Variants in PAPPA2 observed in about 807,000 individuals in gnomAD.
PAPPA2 encodes the protein pappalysin-2.
Under a neutral mutation model 176.4 loss-of-function variants are expected in PAPPA2, and 86 were observed. The observed-to-expected ratio is 0.49, with a 90% CI of 0.41 to 0.58. The LOEUF is 0.58. PAPPA2 is among the 20% of genes least tolerant of loss of function. The pLI is 0.00. For synonymous variants in PAPPA2, 809 were observed against 852.2 expected, an observed-to-expected ratio of 0.95 and a Z score of 0.88; for missense variants, 2,073 against 2,256.9, an observed-to-expected ratio of 0.92 and a Z score of 1.65.
chr1:176,757,441 A>G (rs1231388266), intron 14 of PAPPA2, among the ~76,000 whole-genome samples: 1 of 152,094 alleles, frequency 6.6e-6, no homozygotes, highest in Non-Finnish European at 1.5e-5. Flanking sequence ...TTTGATTTGC[A>G]TTTCTCTGAT....
chr1:176,512,444 T>A (rs1648662301), intron 1 of PAPPA2, among the ~76,000 whole-genome samples: 1 of 152,084 alleles, frequency 6.6e-6, no homozygotes, highest in Non-Finnish European at 1.5e-5. Context: ...TTTAAGGAAT[T>A]TCAAAAGCAT....
chr1:176,727,079 A>G (rs1034639281), intron 12 of PAPPA2, among the ~76,000 whole-genome samples: 6 of 152,212 alleles, frequency 3.9e-5, no homozygotes, highest in Non-Finnish European at 7.4e-5. Flanking sequence ...TGCACAAATA[A>G]CTGTAGAGGA....
At chr1:176,671,832 C>A (rs1462761374) in intron 4 of PAPPA2, among the ~76,000 whole-genome samples, 2 of 145,684 alleles carry the variant, frequency 1.4e-5, no homozygotes, top group Non-Finnish European at 1.5e-5. Context: ...AACACCACAT[C>A]TTCTCACTCA....
At chr1:176,681,125 G>A (rs939471518) in intron 4 of PAPPA2, among the ~76,000 whole-genome samples, 1 of 152,174 alleles carries the variant, frequency 6.6e-6, no homozygotes. Flanking sequence ...GAAACCAAAA[G>A]ACAGAGAGTT....
At position 176,468,226 on chromosome 1, in the gene PAPPA2, A is replaced by G. The variant is rs114777492; in HGVS notation, c.-917+4808A>G. Among the ~76,000 whole-genome samples, 1,235 of 152,246 alleles carry G rather than the reference A, an allele frequency of 8.1e-3. 25 individuals are homozygous for G. Among genetic ancestry groups the G allele is most frequent in the African/African-American group, 0.028 (1,180 of 41,540 alleles). ...ATCCTGGATGTCTCTGGGCTCTGAC[A>G]TTCCTCCCTCAAAATCCTTTTCATG... On this transcript the variant is annotated intron_variant, in intron 1 of 22. Transcript: ENST00000367662.
chr1:176,831,804 G>A (rs778305992), intron 21 of PAPPA2, among the ~76,000 whole-genome samples: 1 of 152,152 alleles, frequency 6.6e-6, no homozygotes, highest in East Asian at 1.9e-4. Context: ...GATGGTTTGG[G>A]GTTTTTTTCA....
chr1:176,662,773 A>G (rs1658429743), intron 3 of PAPPA2, among the ~76,000 whole-genome samples: 1 of 151,982 alleles, frequency 6.6e-6, no homozygotes, highest in African/African-American at 2.4e-5. Flanking sequence ...CCAAAAGGCC[A>G]TTTTCCTCTT....
chr1:176,825,024 T>A (rs1363017554), intron 21 of PAPPA2, among the ~76,000 whole-genome samples: 1 of 152,134 alleles, frequency 6.6e-6, no homozygotes. Context: ...GGGCCCAGCC[T>A]GAGCGCCAAC....
In PAPPA2 at chr1:176,793,682, A is replaced by T; in HGVS notation, c.5130+13A>T. On this transcript the variant is annotated intron_variant, in intron 20 of 22. Transcript: ENST00000367662. ...TGTCAAAGTCCAGGTGAGGAAAGGG[A>T]CATTGTTATGTGCCAAAGACATGAG... 1.3e-6 allele frequency: 2 copies of T among 1,568,062 alleles called. No individual in the cohort carries two copies. Among genetic ancestry groups the T allele is most frequent in the South Asian group, 2.3e-5 (2 of 88,076 alleles).
chr1:176,575,098 C>G (rs1282751024), intron 2 of PAPPA2, among the ~76,000 whole-genome samples: 1 of 152,166 alleles, frequency 6.6e-6, no homozygotes, highest in Non-Finnish European at 1.5e-5. Context: ...CATGTTTATT[C>G]TTGCTGGATG....
chr1:176,727,647 A>G (rs1414743217), intron 12 of PAPPA2, among the ~76,000 whole-genome samples: 1 of 152,068 alleles, frequency 6.6e-6, no homozygotes, highest in Non-Finnish European at 1.5e-5. Flanking sequence ...TTAGTAATTC[A>G]TTTAATAAGT....
At chr1:176,542,966 G>C (rs1357553263) in intron 1 of PAPPA2, among the ~76,000 whole-genome samples, 1 of 152,138 alleles carries the variant, frequency 6.6e-6, no homozygotes, top group Non-Finnish European at 1.5e-5. Flanking sequence ...TCCAGTATGA[G>C]TTCTTTTAAT....
chr1:176,741,106 A>C (rs1170905553), intron 14 of PAPPA2, among the ~76,000 whole-genome samples: 3 of 152,174 alleles, frequency 2.0e-5, no homozygotes, highest in African/African-American at 7.2e-5. Context: ...ATAGCAAATT[A>C]TACCAAAAGT....
At chr1:176,739,371 A>C (rs562325934) in intron 12 of PAPPA2, among the ~76,000 whole-genome samples, 1 of 152,186 alleles carries the variant, frequency 6.6e-6, no homozygotes, top group African/African-American at 2.4e-5. Context: ...GTAAAAAAAA[A>C]CAGTTCAGGT....
intron 21 of PAPPA2, among the ~76,000 whole-genome samples, chr1:176,809,876 T>A (rs1206263833): frequency 6.6e-6 from 1 of 151,932 alleles, no homozygotes; most frequent in African/African-American, 2.4e-5. Flanking sequence ...GGCTTCTGCA[T>A]CATGTCGGAC....
intron 3 of PAPPA2, among the ~76,000 whole-genome samples, chr1:176,668,573 C>T (rs1658798748): frequency 6.6e-6 from 1 of 152,132 alleles, no homozygotes; most frequent in African/African-American, 2.4e-5. Context: ...AAGACAATAT[C>T]TTCATTAGCT....
intron 21 of PAPPA2, among the ~76,000 whole-genome samples, chr1:176,810,419 T>G (rs1210572840): frequency 6.6e-6 from 1 of 151,946 alleles, no homozygotes; most frequent in Non-Finnish European, 1.5e-5. Flanking sequence ...AGTTTCAGGA[T>G]AAAACTATTT....
At chr1:176,568,289 A>T (rs1652102313) in intron 2 of PAPPA2, among the ~76,000 whole-genome samples, 1 of 152,248 alleles carries the variant, frequency 6.6e-6, no homozygotes, top group African/African-American at 2.4e-5. Flanking sequence ...CTCTAAAAAA[A>T]TCTATTGCAT....
chr1:176,667,974 T>C (rs1658763677), intron 3 of PAPPA2, among the ~76,000 whole-genome samples: 1 of 152,136 alleles, frequency 6.6e-6, no homozygotes, highest in Admixed American at 6.5e-5. Flanking sequence ...GAGCCAGCTG[T>C]CGGGGCATGG....
Sources: allele counts gnomAD v4.1 joint callset (sites outside exome capture counted in the v4.1 genomes callset), GRCh38; gene constraint gnomAD v4.1.1; transcripts MANE v1.5; gene names NCBI Gene and HGNC (gene_info 2026-07-23, HGNC 2026-07-21).